The following ABLIM3 variants were observed in gnomAD, a reference collection of about 807,000 sequenced individuals.
The protein encoded by ABLIM3 is actin-binding LIM protein 3.
A neutral mutation model predicts 109.5 loss-of-function variants in ABLIM3; 61 were observed. The ratio of observed to expected loss-of-function variants is 0.56; its 90% CI spans 0.45 to 0.69. The LOEUF is 0.69. Ranked by LOEUF, ABLIM3 falls within the 30% of genes least tolerant of loss-of-function variation. The pLI is 0.00. For missense variants in ABLIM3, 796 were observed against 889.5 expected (o/e 0.89, Z 1.34); for synonymous variants, 300 against 324.8 (o/e 0.92, Z 0.82).
At position 149,200,337 on chromosome 5, in the gene ABLIM3, C is replaced by A. The variant is rs1238055049; in HGVS notation, c.357C>A (p.Asp119Glu). 4 of 1,614,232 alleles carry A rather than the reference C, an allele frequency of 2.5e-6. No individual in the cohort carries two copies. The highest frequency in any genetic ancestry group is 3.4e-6 in the Non-Finnish European group (4 of 1,180,042). Residue 119 changes from aspartate (D) to glutamate (E), a missense_variant, in exon 5 of 24, where the codon GAC becomes GAA. Asp to Glu is a conservative substitution (Grantham distance 45, BLOSUM62 2). Transcript: ENST00000309868. ...GCAGGAAGCCTTTCCCCATTGGAGA[C>A]AAGGTGACCTTCAGCGGTAAAGAAT... ...SLCRKPFPIG[D>E]KVTFSGKECV... is the part of the protein sequence containing the mutation.
In ABLIM3 at chr5:149,198,377, A is replaced by G; in HGVS notation, c.310A>G (p.Lys104Glu). 1 of 1,612,650 alleles carries G rather than the reference A, an allele frequency of 6.2e-7. No individual in the cohort carries two copies. The highest frequency in any genetic ancestry group is 1.3e-5 in the African/African-American group (1 of 75,016). The change falls in exon 4 of 24, where the codon AAG (lysine) becomes GAG (glutamate). Residue 104 changes from lysine (K) to glutamate (E), a missense_variant. Lys to Glu is a moderately conservative substitution (Grantham distance 56). Coordinates refer to ENST00000309868, the MANE Select transcript of ABLIM3 (RefSeq NM_014945.5). This position sits in a 1 kb window ranked among gnomAD's most constrained non-coding sequence, Gnocchi z 4.2. The stretch of plus-strand genomic sequence containing the variant: ...GGCCCTGGGCCGCACTTACCACCCC[A>G]AGTGCTTCGTGTGCAGCTTGTGCAG... ...ISALGRTYHP[K>E]CFVCSLCRKP...
Position 149,240,672 on chromosome 5 carries a change from C to T in ABLIM3, c.1205-4C>T, listed in dbSNP as rs1179451122. Reference sequence around the variant, plus strand: ...CTTTGGCGACCACTTCCTGCGTGCTCCAGGGCCCGAGAGTGGCCGGAGCTC... The same window carrying T: ...CTTTGGCGACCACTTCCTGCGTGCTTCAGGGCCCGAGAGTGGCCGGAGCTC... On this transcript the variant is annotated splice_polypyrimidine_tract_variant and splice_region_variant and intron_variant, in intron 13 of 23. Coordinates refer to ENST00000309868, the MANE Select transcript of ABLIM3 (RefSeq NM_014945.5). 1.1e-5 allele frequency: 18 copies of T among 1,613,492 alleles called. No homozygotes were observed. Among genetic ancestry groups the T allele is most frequent in the Non-Finnish European group, 1.5e-5 (18 of 1,179,634 alleles).
chr5:149,242,736 TC>T (rs749607977), intron 15 of ABLIM3, among the ~76,000 whole-genome samples, 198 bp downstream of exon 15: 108 of 152,228 alleles, frequency 7.1e-4, no homozygotes, highest in Middle Eastern at 3.4e-3. Context: ...AGTCCTCATG[TC>T]CCCTCAGTTC....
intron 5 of ABLIM3, among the ~76,000 whole-genome samples, chr5:149,201,482 A>AGCTCCCAGGG (rs1016375085): frequency 6.6e-5 from 10 of 152,128 alleles, no homozygotes; most frequent in African/African-American, 2.2e-4. Flanking sequence ...AGCAGGGCTT[A>AGCTCCCAGGG]GCTCCCAGGG....
chr5:149,204,617 A>T (rs1325392619), intron 5 of ABLIM3, among the ~76,000 whole-genome samples: 1 of 152,228 alleles, frequency 6.6e-6, no homozygotes, highest in East Asian at 1.9e-4. Flanking sequence ...GGTTAAAAAC[A>T]GGAGAATGTA....
chr5:149,258,415 TATAA>T lies in ABLIM3; in HGVS notation c.*15_*18del. The T allele has an allele frequency of 6.2e-7, 1 of 1,610,782 alleles. No individual in the cohort carries two copies. Among genetic ancestry groups the T allele is most frequent in the Non-Finnish European group, 8.5e-7 (1 of 1,179,038 alleles). ...GCCCGGCTGTTCTAGGCAGAGGCTC[TATAA>T]ATATATATGCATTTATATAAAGATA... On this transcript the variant is annotated 3_prime_UTR_variant, in exon 24 of 24. Coordinates refer to ENST00000309868, the MANE Select transcript of ABLIM3 (RefSeq NM_014945.5).
intron 2 of ABLIM3, among the ~76,000 whole-genome samples, chr5:149,144,782 C>T (rs1327316782): frequency 6.6e-6 from 1 of 152,210 alleles, no homozygotes; most frequent in Non-Finnish European, 1.5e-5. Context: ...ACATTTGACA[C>T]TGAGTACAAC....
chr5:149,205,906 C>T (rs1456710245), intron 5 of ABLIM3, among the ~76,000 whole-genome samples: 1 of 152,222 alleles, frequency 6.6e-6, no homozygotes, highest in East Asian at 1.9e-4. Context: ...TTTGCAGACA[C>T]ATCATCTTTT....
chr5:149,225,966 G>A (rs1761162894), intron 8 of ABLIM3, among the ~76,000 whole-genome samples: 17 of 96,146 alleles, frequency 1.8e-4, no homozygotes, highest in African/African-American at 6.0e-4. Flanking sequence ...ATATGTGTGT[G>A]TGTGTGTGTG....
chr5:149,153,554 C>T (rs1221856890), intron 2 of ABLIM3, among the ~76,000 whole-genome samples: 2 of 152,154 alleles, frequency 1.3e-5, no homozygotes, highest in Non-Finnish European at 2.9e-5. Flanking sequence ...AGGTGAGAGT[C>T]CCACTCTGCA....
At chr5:149,184,843 C>A (rs534795684) in intron 3 of ABLIM3, among the ~76,000 whole-genome samples, 1 of 152,308 alleles carries the variant, frequency 6.6e-6, no homozygotes, top group Admixed American at 6.5e-5. Context: ...CATGATCTAA[C>A]TAGACTCTGC....
At chr5:149,203,651 C>T (rs528454762) in intron 5 of ABLIM3, among the ~76,000 whole-genome samples, 62 of 152,122 alleles carry the variant, frequency 4.1e-4, no homozygotes, top group African/African-American at 1.4e-3. Context: ...CTACCATAAT[C>T]ACCACTATTA....
chr5:149,230,871 G>A (rs1487428090), intron 9 of ABLIM3, among the ~76,000 whole-genome samples, 164 bp downstream of exon 9: 2 of 152,116 alleles, frequency 1.3e-5, no homozygotes, highest in African/African-American at 2.4e-5. Flanking sequence ...CTGCCCCATG[G>A]GGTTTTTGAG....
intron 6 of ABLIM3, among the ~76,000 whole-genome samples, chr5:149,209,774 G>A (rs1350705746): frequency 1.3e-5 from 2 of 152,174 alleles, no homozygotes; most frequent in African/African-American, 4.8e-5. Context: ...ACAAGTCCTT[G>A]CCTTGTGGGC....
At chr5:149,161,865 TTGTGTGTGTGTGTGTATGCGTGGGC>T (rs1444178667) in intron 2 of ABLIM3, among the ~76,000 whole-genome samples, 4 of 151,256 alleles carry the variant, frequency 2.6e-5, no homozygotes, top group Admixed American at 1.3e-4. Context: ...GGGGTCTACT[TTGTGTGTGTGTGTGTATGCGTGGGC>T]TGTGTGTGTG....
At chr5:149,249,513 G>A (rs907963468) in intron 18 of ABLIM3, among the ~76,000 whole-genome samples, 8 of 152,142 alleles carry the variant, frequency 5.3e-5, no homozygotes, top group African/African-American at 1.9e-4. Context: ...CTGGCTGCGG[G>A]GTCTGTGCAG....
chr5:149,144,073 A>AAAAG (rs1458005561), intron 2 of ABLIM3, among the ~76,000 whole-genome samples: 1 of 152,228 alleles, frequency 6.6e-6, no homozygotes, highest in Non-Finnish European at 1.5e-5. Flanking sequence ...TCTTTTAAGA[A>AAAAG]AAAGAAAGAA....
At chr5:149,220,166 C>T (rs1245661889) in intron 8 of ABLIM3, 1 of 152,246 alleles carries the variant, frequency 6.6e-6, no homozygotes, top group Non-Finnish European at 1.5e-5. Context: ...GTCCCCGCTG[C>T]TGTTCTCACA....
intron 3 of ABLIM3, among the ~76,000 whole-genome samples, chr5:149,187,827 T>A (rs1288764796): frequency 6.6e-6 from 1 of 152,078 alleles, no homozygotes; most frequent in Non-Finnish European, 1.5e-5. Context: ...ACCCCGTCAT[T>A]CTCTTTAAAT....
Sources: gnomAD v4.1 joint callset for allele counts (sites outside exome capture counted in the v4.1 genomes callset) on GRCh38, gnomAD v4.1.1 for gene constraint, Gnocchi (gnomAD v3.1) non-coding constraint, MANE v1.5 for transcripts, NCBI Gene and HGNC (gene_info 2026-07-23, HGNC 2026-07-21) for gene names.